WWOX: variants seen among roughly 807,000 people sequenced by gnomAD.
WWOX encodes the protein WW domain containing oxidoreductase, also known as WW domain-containing oxidoreductase.
In WWOX, 69 loss-of-function variants were observed where a neutral mutation model predicts 46.2. That is an observed-to-expected ratio of 1.49 (90% CI 1.23 to 1.82). WWOX has a LOEUF of 1.82. Ranked by LOEUF, WWOX falls within the 40% of genes most tolerant of loss-of-function variation. The probability of loss-of-function intolerance (pLI) is 0.00; values close to 1 mark genes in which losing one functional copy is unlikely to be tolerated. For synonymous variants in WWOX, 359 were observed against 202.6 expected (o/e 1.77, Z -6.56); for missense variants, 919 against 542.6 (o/e 1.69, Z -6.89).
chr16:78,919,115 C>G (rs1278029834), intron 8 of WWOX, among the ~76,000 whole-genome samples: 1 of 152,140 alleles, frequency 6.6e-6, no homozygotes, highest in African/African-American at 2.4e-5. Context: ...ACTTGAGATC[C>G]TACTAAACAA....
intron 8 of WWOX, among the ~76,000 whole-genome samples, chr16:78,971,473 A>AGTG: frequency 7.3e-6 from 1 of 136,750 alleles, no homozygotes; most frequent in African/African-American, 2.8e-5. Flanking sequence ...AAAAAAAAAA[A>AGTG]AGAGAGAGAT....
chr16:78,802,406 C>T (rs181774662), intron 8 of WWOX, among the ~76,000 whole-genome samples: 208 of 151,676 alleles, frequency 1.4e-3, no homozygotes, highest in South Asian at 4.2e-3. Context: ...AGATAAATGC[C>T]GAGGAAGCAA....
chr16:79,067,332 T>C (rs2048460034), intron 8 of WWOX, among the ~76,000 whole-genome samples: 1 of 152,216 alleles, frequency 6.6e-6, no homozygotes, highest in African/African-American at 2.4e-5. Context: ...TGTTCCTCCC[T>C]TGACATCAAA....
At chr16:78,663,176 C>G (rs1567473094) in intron 8 of WWOX, among the ~76,000 whole-genome samples, 1 of 152,168 alleles carries the variant, frequency 6.6e-6, no homozygotes, top group Non-Finnish European at 1.5e-5. Context: ...CCCCCGATCT[C>G]TTGACAACTA....
chr16:78,489,175 T>C (rs2084715094), intron 8 of WWOX, among the ~76,000 whole-genome samples: 1 of 152,228 alleles, frequency 6.6e-6, no homozygotes, highest in African/African-American at 2.4e-5. Flanking sequence ...TCCCTCAGCC[T>C]CAGTTTCCCT....
chr16:78,817,079 C>A (rs989547719), intron 8 of WWOX, among the ~76,000 whole-genome samples: 3 of 151,894 alleles, frequency 2.0e-5, no homozygotes, highest in African/African-American at 7.3e-5. Context: ...TCAAACCTTC[C>A]CCTAACCCTC....
At chr16:79,173,258 A>T (rs1045421702) in intron 8 of WWOX, among the ~76,000 whole-genome samples, 1 of 151,678 alleles carries the variant, frequency 6.6e-6, no homozygotes, top group African/African-American at 2.4e-5. Context: ...AGAGTGGCAC[A>T]TTCCACAGGA....
At chr16:78,493,385 G>A (rs62036392) in intron 8 of WWOX, among the ~76,000 whole-genome samples, 11,675 of 152,184 alleles carry the variant, frequency 0.077, 459 homozygotes, top group African/African-American at 0.087. Flanking sequence ...TCATTTAGGC[G>A]TGGCTTGATT....
chr16:78,117,867 A>C (rs927054876), intron 4 of WWOX, among the ~76,000 whole-genome samples: 5 of 152,000 alleles, frequency 3.3e-5, no homozygotes, highest in African/African-American at 1.2e-4. Flanking sequence ...TAAACCGTGA[A>C]ATCTTTAACC....
intron 5 of WWOX, among the ~76,000 whole-genome samples, chr16:78,212,232 C>T (rs980412266): frequency 6.6e-6 from 1 of 152,132 alleles, no homozygotes; most frequent in Non-Finnish European, 1.5e-5. Context: ...AAAGCTCACT[C>T]CATGGAAAAG....
At chr16:79,181,371 A>G (rs1408945987) in intron 8 of WWOX, among the ~76,000 whole-genome samples, 1 of 152,048 alleles carries the variant, frequency 6.6e-6, no homozygotes, top group African/African-American at 2.4e-5. Flanking sequence ...TTCAATTTTG[A>G]TATTATTGTT....
intron 5 of WWOX, among the ~76,000 whole-genome samples, chr16:78,370,086 C>G (rs977958348): frequency 7.5e-6 from 1 of 132,646 alleles, no homozygotes; most frequent in Admixed American, 9.2e-5. Context: ...CAGCCAAGAT[C>G]ACACCACTGC....
intron 3 of WWOX, 113 bp downstream of exon 3, chr16:78,109,948 T>G: frequency 1.2e-5 from 14 of 1,136,722 alleles, no homozygotes; most frequent in Non-Finnish European, 1.7e-5. Flanking sequence ...ACAGTGTGTA[T>G]CTGTAATCTT....
chr16:78,639,543 C>T (rs866609975), intron 8 of WWOX, among the ~76,000 whole-genome samples: 3 of 151,178 alleles, frequency 2.0e-5, no homozygotes, highest in Non-Finnish European at 2.9e-5. Flanking sequence ...AGAGGCCTCC[C>T]CTCAGACTCC....
chr16:79,201,412 A>G (rs1471306501), intron 8 of WWOX, among the ~76,000 whole-genome samples: 2 of 151,184 alleles, frequency 1.3e-5, no homozygotes, highest in Non-Finnish European at 1.5e-5. Flanking sequence ...TTGCTTTGCA[A>G]GAGAGTTGGA....
chr16:78,966,904 G>A (rs546809493), intron 8 of WWOX, among the ~76,000 whole-genome samples: 1 of 152,164 alleles, frequency 6.6e-6, no homozygotes, highest in Non-Finnish European at 1.5e-5. Context: ...GATTGAATGA[G>A]TTTGTAGATA....
At chr16:78,204,750 G>A (rs570294606) in intron 5 of WWOX, among the ~76,000 whole-genome samples, 29 of 152,270 alleles carry the variant, frequency 1.9e-4, no homozygotes, top group South Asian at 8.3e-4. Flanking sequence ...ACACACCTGC[G>A]TGCTGGGATG....
intron 5 of WWOX, among the ~76,000 whole-genome samples, chr16:78,330,933 C>G (rs548483761): frequency 3.9e-5 from 6 of 152,282 alleles, no homozygotes; most frequent in Admixed American, 3.9e-4. Flanking sequence ...TATTTTTAAA[C>G]ACAACCTCAT....
At chr16:78,275,730 C>T (rs2079564559) in intron 5 of WWOX, among the ~76,000 whole-genome samples, 1 of 152,198 alleles carries the variant, frequency 6.6e-6, no homozygotes, top group Non-Finnish European at 1.5e-5. Flanking sequence ...CCCATTGGTC[C>T]ATTTTTAAAT....
Sources: allele counts gnomAD v4.1 joint callset (sites outside exome capture counted in the v4.1 genomes callset), GRCh38; gene constraint gnomAD v4.1.1; transcripts MANE v1.5; gene names NCBI Gene and HGNC (gene_info 2026-07-23, HGNC 2026-07-21).